The following MALRD1 variants were observed in gnomAD, a reference collection of about 807,000 sequenced individuals.
The protein encoded by MALRD1 is MAM and LDL receptor class A domain containing 1, also known as MAM and LDL-receptor class A domain-containing protein 1.
In MALRD1, 247 loss-of-function variants were observed where a neutral mutation model predicts 242.1. That is an observed-to-expected ratio of 1.02 (90% CI 0.92 to 1.13). The LOEUF is 1.13. Ranked by LOEUF, MALRD1 falls within the 50% of genes most tolerant of loss-of-function variation. The pLI is 0.00. For missense variants in MALRD1, 2,989 were observed against 2,533.1 expected (o/e 1.18, Z -3.86); for synonymous variants, 995 against 866.6 (o/e 1.15, Z -2.60).
At chr10:19,426,183 A>G (rs1329116976) in intron 28 of MALRD1, among the ~76,000 whole-genome samples, 3 of 152,182 alleles carry the variant, frequency 2.0e-5, no homozygotes, top group African/African-American at 7.2e-5. Flanking sequence ...AATCCTCACA[A>G]TAGCCTGCTT....
chr10:19,552,034 T>TA (rs1200435920), intron 32 of MALRD1, among the ~76,000 whole-genome samples: 2 of 152,156 alleles, frequency 1.3e-5, no homozygotes, highest in Non-Finnish European at 2.9e-5. Context: ...TCATCAAAGA[T>TA]ATTGGCCTGA....
chr10:19,571,735 T>C (rs1176787200), intron 33 of MALRD1, among the ~76,000 whole-genome samples: 2 of 152,180 alleles, frequency 1.3e-5, no homozygotes, highest in African/African-American at 4.8e-5. Flanking sequence ...ACTTCAGCCC[T>C]TAGGAAATGT....
At position 19,625,060 on chromosome 10, in the gene MALRD1, A is replaced by AAGAGAGAG. The variant is rs3069631; in HGVS notation, c.6137+9149_6137+9156dup. ...TGACTGAACGAGAGCCTATTTTAAA[A>AAGAGAGAG]AGAGAGAGAGAGAGAGAGACATGAG... On this transcript the variant is annotated intron_variant, in intron 36 of 39. Transcript: ENST00000454679. 3.9e-3 allele frequency among the ~76,000 whole-genome samples: 580 copies of AAGAGAGAG among 148,618 alleles called. 3 individuals are homozygous for AAGAGAGAG. Among genetic ancestry groups the AAGAGAGAG allele is most frequent in the African/African-American group, 0.014 (547 of 40,488 alleles).
At chr10:19,401,676 T>A (rs1171431394) in intron 28 of MALRD1, among the ~76,000 whole-genome samples, 2 of 152,098 alleles carry the variant, frequency 1.3e-5, no homozygotes, top group Non-Finnish European at 2.9e-5. Context: ...AAAATATAAA[T>A]TTTTAATTTA....
intron 29 of MALRD1, among the ~76,000 whole-genome samples, chr10:19,482,312 T>C (rs1837029824): frequency 6.6e-6 from 1 of 151,882 alleles, no homozygotes; most frequent in Non-Finnish European, 1.5e-5. Context: ...CCAAAGATAA[T>C]TTATCAACAA....
chr10:19,170,074 T>A (rs1040969831), intron 13 of MALRD1, among the ~76,000 whole-genome samples: 2 of 152,194 alleles, frequency 1.3e-5, no homozygotes, highest in Non-Finnish European at 2.9e-5. Context: ...GCACCCCTAG[T>A]TAGGTAGGGC....
chr10:19,375,603 C>T (rs1261413603), intron 26 of MALRD1, among the ~76,000 whole-genome samples: 1 of 152,114 alleles, frequency 6.6e-6, no homozygotes, highest in Non-Finnish European at 1.5e-5. Context: ...CTGTATTTTT[C>T]TAAAGATACA....
chr10:19,131,412 A>G (rs745330447), intron 8 of MALRD1, among the ~76,000 whole-genome samples: 12 of 152,170 alleles, frequency 7.9e-5, no homozygotes, highest in Non-Finnish European at 1.6e-4. Flanking sequence ...CTTTAGAATC[A>G]GCTCAAGTGT....
chr10:19,104,148 C>G, intron 5 of MALRD1, 73 bp downstream of exon 5: 1 of 789,376 alleles, frequency 1.3e-6, no homozygotes, highest in Non-Finnish European at 1.7e-6. Flanking sequence ...ATTGTGATGA[C>G]TTTAATCTGC....
At chr10:19,581,545 G>T (rs1373069126) in intron 33 of MALRD1, among the ~76,000 whole-genome samples, 1 of 144,790 alleles carries the variant, frequency 6.9e-6, no homozygotes, top group Admixed American at 7.0e-5. Context: ...CAAAGGACAT[G>T]AACTCATCAT....
intron 38 of MALRD1, among the ~76,000 whole-genome samples, chr10:19,698,827 C>A (rs549451692): frequency 1.3e-4 from 20 of 152,220 alleles, no homozygotes; most frequent in Non-Finnish European, 2.4e-4. Flanking sequence ...CCCAGCAAGT[C>A]TTAAAAAGAC....
chr10:19,325,527 T>C (rs930874055), intron 22 of MALRD1, among the ~76,000 whole-genome samples: 2 of 151,916 alleles, frequency 1.3e-5, no homozygotes, highest in African/African-American at 2.4e-5. Context: ...TGGTGGAGAA[T>C]AATGCATAAA....
intron 1 of MALRD1, among the ~76,000 whole-genome samples, chr10:19,050,083 CTTTTTTTT>C (rs34692209): frequency 4.4e-5 from 4 of 90,578 alleles, no homozygotes; most frequent in Non-Finnish European, 8.3e-5. Context: ...CATATGTCTT[CTTTTTTTT>C]TTTTTTTTTT....
chr10:19,237,691 T>A (rs11009065), intron 18 of MALRD1, among the ~76,000 whole-genome samples: 9 of 120,766 alleles, frequency 7.5e-5, no homozygotes, highest in Non-Finnish European at 1.5e-4. Context: ...AATTTATATA[T>A]AAATACATAA....
At chr10:19,135,194 A>T (rs529440568) in intron 9 of MALRD1, among the ~76,000 whole-genome samples, 1 of 152,178 alleles carries the variant, frequency 6.6e-6, no homozygotes, top group South Asian at 2.1e-4. Flanking sequence ...TTGCTCTGTC[A>T]CCCAGGCTGG....
chr10:19,452,219 A>T (rs1835369420), intron 29 of MALRD1, among the ~76,000 whole-genome samples: 1 of 152,218 alleles, frequency 6.6e-6, no homozygotes, highest in African/African-American at 2.4e-5. Flanking sequence ...TGATTCCTAG[A>T]TGGGTTGATT....
chr10:19,664,738 C>T (rs1006426989), intron 36 of MALRD1, among the ~76,000 whole-genome samples: 9 of 151,598 alleles, frequency 5.9e-5, no homozygotes, highest in Non-Finnish European at 8.8e-5. Flanking sequence ...GAAGCTTATC[C>T]AGTTTAAACC....
At chr10:19,630,932 T>C (rs1387697608) in intron 36 of MALRD1, among the ~76,000 whole-genome samples, 1 of 152,114 alleles carries the variant, frequency 6.6e-6, no homozygotes, top group Non-Finnish European at 1.5e-5. Flanking sequence ...TATGAAACAT[T>C]GTGATGTACA....
At chr10:19,230,383 C>A (rs1837996985) in intron 18 of MALRD1, among the ~76,000 whole-genome samples, 1 of 149,340 alleles carries the variant, frequency 6.7e-6, no homozygotes, top group African/African-American at 2.5e-5. Flanking sequence ...CTGGCACCTG[C>A]TTCCAGGGGG....
Sources: allele counts gnomAD v4.1 joint callset (sites outside exome capture counted in the v4.1 genomes callset), GRCh38; gene constraint gnomAD v4.1.1; transcripts MANE v1.5; gene names NCBI Gene and HGNC (gene_info 2026-07-23, HGNC 2026-07-21).